Variants in MARCHF1 observed in about 807,000 individuals in gnomAD.
MARCHF1 encodes the protein E3 ubiquitin-protein ligase MARCHF1.
A neutral mutation model predicts 54.2 loss-of-function variants in MARCHF1; 40 were observed. That is an observed-to-expected ratio of 0.74 (90% CI 0.57 to 0.96). The LOEUF is 0.96. Among genes scored for constraint, MARCHF1 ranks in the 40% least tolerant of loss-of-function variants. The probability of loss-of-function intolerance (pLI) is 0.00; values close to 1 mark genes in which losing one functional copy is unlikely to be tolerated. For synonymous variants in MARCHF1, 236 were observed against 236.3 expected (o/e 1.00, Z 0.01); for missense variants, 586 against 656.5 (o/e 0.89, Z 1.17).
intron 4 of MARCHF1, among the ~76,000 whole-genome samples, chr4:163,830,240 T>C (rs1748980160): frequency 6.6e-6 from 1 of 151,544 alleles, no homozygotes; most frequent in Non-Finnish European, 1.5e-5. Flanking sequence ...TCATCTCTCT[T>C]TTTACGCTGC....
chr4:164,230,202 C>T (rs893345229), intron 1 of MARCHF1, among the ~76,000 whole-genome samples: 1 of 152,054 alleles, frequency 6.6e-6, no homozygotes, highest in Non-Finnish European at 1.5e-5. Context: ...TTGAGACCAG[C>T]CTGACCAATA....
intron 1 of MARCHF1, among the ~76,000 whole-genome samples, chr4:164,170,695 G>T (rs1730502212): frequency 6.6e-6 from 1 of 152,108 alleles, no homozygotes; most frequent in Non-Finnish European, 1.5e-5. Context: ...CGCTATGGGA[G>T]TAGGGAAGGG....
intron 3 of MARCHF1, among the ~76,000 whole-genome samples, chr4:163,947,604 G>A (rs1752049946): frequency 1.3e-5 from 2 of 152,328 alleles, no homozygotes; most frequent in South Asian, 2.1e-4. Flanking sequence ...GAAGACAGAA[G>A]AGGTAAATAA....
chr4:163,989,001 C>A (rs1468176448), intron 2 of MARCHF1: 1 of 152,172 alleles, frequency 6.6e-6, no homozygotes, highest in Non-Finnish European at 1.5e-5. Flanking sequence ...CCCTTATTAG[C>A]AACTGCTTCC....
At chr4:163,593,344 T>C (rs1340696154) in intron 7 of MARCHF1, among the ~76,000 whole-genome samples, 1 of 152,204 alleles carries the variant, frequency 6.6e-6, no homozygotes, top group African/African-American at 2.4e-5. Flanking sequence ...TAAATTTTTG[T>C]TAGCTGCATA....
At chr4:164,192,875 C>T (rs1190444563) in intron 1 of MARCHF1, among the ~76,000 whole-genome samples, 2 of 152,128 alleles carry the variant, frequency 1.3e-5, no homozygotes, top group East Asian at 1.9e-4. Flanking sequence ...AGGCACTTTT[C>T]GGAAGAAGCA....
At chr4:164,304,799 A>G (rs1357328125) in intron 1 of MARCHF1, among the ~76,000 whole-genome samples, 1 of 152,284 alleles carries the variant, frequency 6.6e-6, no homozygotes, top group East Asian at 1.9e-4. Flanking sequence ...ATGCCCATAA[A>G]TACCAGGGCT....
rs1018717542 is a variant in MARCHF1 at position 164,350,956 on chromosome 4, G to T, written c.-323+32914C>A. On this transcript the variant is annotated intron_variant, in intron 1 of 9. Transcript: ENST00000514618. The stretch of plus-strand genomic sequence containing the variant: ...CGAGGCATTGCCTCACCTGGGAAGC[G>T]CAAGGGGTCAGGGAGTTCCCTTTCC... Among the ~76,000 whole-genome samples the T allele has an allele frequency of 3.9e-5, 6 of 152,168 alleles. 1 individual carries two copies. The highest frequency in any genetic ancestry group is 1.4e-4 in the African/African-American group (6 of 41,558).
intron 1 of MARCHF1, among the ~76,000 whole-genome samples, chr4:164,168,101 C>T (rs1191218655): frequency 1.3e-5 from 2 of 151,836 alleles, no homozygotes; most frequent in East Asian, 3.9e-4. Flanking sequence ...GAAAAATGGG[C>T]AAAGGATCTG....
intron 2 of MARCHF1, among the ~76,000 whole-genome samples, chr4:164,033,394 G>A (rs1753919903): frequency 6.6e-6 from 1 of 152,206 alleles, no homozygotes; most frequent in Admixed American, 6.5e-5. Flanking sequence ...ATCACCTAAA[G>A]CAGTTGCAAC....
chr4:163,608,333 G>T (rs1409699770), intron 7 of MARCHF1, among the ~76,000 whole-genome samples: 17 of 152,020 alleles, frequency 1.1e-4, no homozygotes, highest in Admixed American at 1.1e-3. Flanking sequence ...GGTCTTGAAA[G>T]GGGTAGGTCT....
intron 5 of MARCHF1, among the ~76,000 whole-genome samples, chr4:163,674,607 A>G (rs1310021581): frequency 2.0e-5 from 3 of 152,196 alleles, no homozygotes; most frequent in African/African-American, 7.2e-5. Flanking sequence ...CTCCACCCCT[A>G]GTGCCAGTGA....
intron 1 of MARCHF1, among the ~76,000 whole-genome samples, chr4:164,243,433 G>A (rs1175720179): frequency 2.0e-5 from 3 of 151,956 alleles, no homozygotes; most frequent in Non-Finnish European, 4.4e-5. Flanking sequence ...AATGCTGAGA[G>A]ATTTTGTCAC....
chr4:164,336,345 A>G (rs961558176), intron 1 of MARCHF1, among the ~76,000 whole-genome samples: 1 of 152,232 alleles, frequency 6.6e-6, no homozygotes, highest in African/African-American at 2.4e-5. Flanking sequence ...CTAACCAGAT[A>G]GAATTTTGCC....
intron 3 of MARCHF1, among the ~76,000 whole-genome samples, chr4:163,905,663 T>C (rs1026981743): frequency 4.6e-5 from 7 of 152,078 alleles, no homozygotes; most frequent in Non-Finnish European, 2.9e-5. Context: ...AATCCAGATT[T>C]AGGCAACCTG....
At chr4:163,828,078 C>T (rs1473103996) in intron 4 of MARCHF1, among the ~76,000 whole-genome samples, 2 of 149,458 alleles carry the variant, frequency 1.3e-5, no homozygotes, top group African/African-American at 4.9e-5. Flanking sequence ...CATTCTCCTC[C>T]TCCTCAGCAC....
At chr4:163,811,146 T>C (rs1389824983) in intron 4 of MARCHF1, among the ~76,000 whole-genome samples, 1 of 152,184 alleles carries the variant, frequency 6.6e-6, no homozygotes, top group Non-Finnish European at 1.5e-5. Context: ...CTTTCTTGAC[T>C]TTTTAAAACC....
In MARCHF1 at chr4:164,283,200, C is replaced by T. The variant is rs554057533; in HGVS notation, c.-323+100670G>A. Among the ~76,000 whole-genome samples, 8 of 151,198 alleles carry T rather than the reference C, an allele frequency of 5.3e-5. 1 individual carries two copies. In the East Asian group the frequency reaches 1.4e-3, roughly 27 times the overall value. On this transcript the variant is annotated intron_variant, in intron 1 of 9. Coordinates refer to ENST00000514618, the MANE Select transcript of MARCHF1 (RefSeq NM_001394959.1). ...GTTAGAGAGGAAAATCGCTTAACCT[C>T]GCTTAGTGATTTCCATTTAAAATCA... is the stretch of plus-strand genomic sequence containing the variant.
At chr4:164,223,237 T>C (rs1208296178) in intron 1 of MARCHF1, among the ~76,000 whole-genome samples, 1 of 152,060 alleles carries the variant, frequency 6.6e-6, no homozygotes, top group Non-Finnish European at 1.5e-5. Context: ...TGAAATGTTG[T>C]AGAGTTGAAC....
Sources: allele counts gnomAD v4.1 joint callset (sites outside exome capture counted in the v4.1 genomes callset), GRCh38; gene constraint gnomAD v4.1.1; transcripts MANE v1.5; gene names NCBI Gene and HGNC (gene_info 2026-07-23, HGNC 2026-07-21).